PSG5: variants seen among roughly 807,000 people sequenced by gnomAD.
PSG5 encodes pregnancy-specific beta-1-glycoprotein 5.
A neutral mutation model predicts 37.7 loss-of-function variants in PSG5; 53 were observed. The observed-to-expected ratio is 1.41, with a 90% CI of 1.13 to 1.77. The LOEUF is 1.77. PSG5 is among the 40% of genes most tolerant of loss of function. The pLI is 0.00. For missense variants in PSG5, 547 were observed against 405.2 expected, an observed-to-expected ratio of 1.35 and a Z score of -3.00; for synonymous variants, 221 against 155.4, an observed-to-expected ratio of 1.42 and a Z score of -3.14.
chr19:43,175,743 T>G, intron 3 of PSG5, 127 bp downstream of exon 3: 1 of 1,527,292 alleles, frequency 6.5e-7, no homozygotes, highest in East Asian at 2.3e-5. Flanking sequence ...CAGGGAGTCA[T>G]GGCCAGCTCA....
rs537582438 is a variant in PSG5, at chr19:43,186,465, G to A, written c.-60C>T. 3.7e-6 allele frequency: 6 copies of A among 1,606,066 alleles called. No individual in the cohort carries two copies. The highest frequency in any genetic ancestry group is 1.1e-5 in the South Asian group (1 of 90,682). ...TGAGCCTAGGATCCAGAAACTTCCT[G>A]AGCACGGCTGTAGGCTGTGCTGTCC... On this transcript the variant is annotated 5_prime_UTR_variant, in exon 1 of 6. Transcript: ENST00000342951.
intron 4 of PSG5, 33 bp from the exon 5 acceptor site, chr19:43,170,171 A>C: frequency 6.5e-7 from 1 of 1,538,958 alleles, no homozygotes; most frequent in South Asian, 1.1e-5. Context: ...GAAGGAATGA[A>C]GGTGATGTTA....
At chr19:43,178,826 C>A (rs1969066063) in intron 2 of PSG5, 2 of 1,611,788 alleles carry the variant, frequency 1.2e-6, no homozygotes, top group Admixed American at 3.3e-5. Context: ...TGGCCTCTGG[C>A]CATGTGTATT....
rs1263765665 is a variant in PSG5, at chr19:43,169,081, A to G, written c.*41-878T>C. Among the ~76,000 whole-genome samples the G allele has an allele frequency of 2.6e-5, 4 of 151,776 alleles. No homozygotes were observed. In the South Asian group the frequency reaches 6.2e-4, roughly 24 times the overall value. On this transcript the variant is annotated intron_variant, in intron 5 of 5. Coordinates refer to ENST00000342951, the MANE Select transcript of PSG5 (RefSeq NM_002781.4). ...GGTGGGGCTTGAGCATCCACTTTTA[A>G]AAATGCTTTCCAGTGATTCCAATGT...
chr19:43,181,394 C>G (rs1464449597), intron 2 of PSG5, among the ~76,000 whole-genome samples: 1 of 151,692 alleles, frequency 6.6e-6, no homozygotes, highest in Non-Finnish European at 1.5e-5. Context: ...ATCCTCAAGC[C>G]AGAGATTCTT....
chr19:43,177,847 T>A (rs372279302), intron 2 of PSG5, among the ~76,000 whole-genome samples: 9 of 151,594 alleles, frequency 5.9e-5, no homozygotes, highest in Admixed American at 2.0e-4. Flanking sequence ...CTTCCAATCC[T>A]TGAAAATGAA....
rs145684974 is a variant in PSG5, at chr19:43,175,464, G to A, written c.715C>T (p.Pro239Ser). The change falls in exon 4 of 6, where the codon CCA becomes TCA. Residue 239 changes from proline to serine, a missense_variant. Transcript: ENST00000342951. ...DPVTLNVLYG[P>S]DLPSIYPSFT... ...GAAGGGTAAATGCTGGGGAGGTCTG[G>A]ACCATCTGGAGCAAAGAGAATGAAG... The A allele has an allele frequency of 3.7e-5, 60 of 1,606,326 alleles. 3 individuals are homozygous for A. The highest frequency in any genetic ancestry group is 5.1e-5 in the Non-Finnish European group (60 of 1,176,028).
chr19:43,169,599 C>T (rs1968860447), intron 5 of PSG5, among the ~76,000 whole-genome samples: 1 of 151,500 alleles, frequency 6.6e-6, no homozygotes, highest in African/African-American at 2.4e-5. Context: ...ATCAAATAGG[C>T]TAGAGTAGAC....
chr19:43,173,201 C>T lies in PSG5; in HGVS notation c.964+2014G>A, dbSNP rs535065932. Among the ~76,000 whole-genome samples the T allele has an allele frequency of 3.2e-4, 49 of 151,732 alleles. 1 individual carries two copies. The highest frequency in any genetic ancestry group is 7.4e-5 in the Non-Finnish European group (5 of 67,892). ...AGAGAGTGGAACCTTTACCTAACACCATGCATAAAAATTAACCCACAATAG... is the reference window on the plus strand; with the variant it reads ...AGAGAGTGGAACCTTTACCTAACACTATGCATAAAAATTAACCCACAATAG... On this transcript the variant is annotated intron_variant, in intron 4 of 5. Coordinates refer to ENST00000342951, the MANE Select transcript of PSG5 (RefSeq NM_002781.4).
intron 2 of PSG5, among the ~76,000 whole-genome samples, chr19:43,178,562 G>C (rs1420153659): frequency 6.6e-6 from 1 of 151,612 alleles, no homozygotes; most frequent in Non-Finnish European, 1.5e-5. Context: ...CAGTGACCCT[G>C]TGAGCCAAGT....
intron 4 of PSG5, among the ~76,000 whole-genome samples, chr19:43,171,983 CAAA>C (rs60198220): frequency 9.5e-6 from 1 of 105,126 alleles, no homozygotes; most frequent in Admixed American, 1.1e-4. Flanking sequence ...TCCCTCTCTT[CAAA>C]AAAAAAAAAA....
Position 43,168,082 on chromosome 19 carries a change from G to T in PSG5, c.*162C>A, listed in dbSNP as rs1968824865. The T allele has an allele frequency of 2.3e-6, 1 of 442,968 alleles. No individual in the cohort carries two copies. The highest frequency in any genetic ancestry group is 3.0e-4 in the Middle Eastern group (1 of 3,342). 27.4% of individuals were successfully genotyped at this position (442,968 alleles called of 1,614,324 possible). A position where few individuals can be genotyped will look rare whatever the true frequency, so the allele number is the denominator to read the frequency against. The stretch of plus-strand genomic sequence containing the variant: ...CTTAGTCCAGTGGTATGATCTTGAA[G>T]TTATCAGGAACTTGTATTCAAGAGT... On this transcript the variant is annotated 3_prime_UTR_variant, in exon 6 of 6. Coordinates refer to ENST00000342951, the MANE Select transcript of PSG5 (RefSeq NM_002781.4).
At chr19:43,178,828 A>G in intron 2 of PSG5, 2 of 1,609,820 alleles carry the variant, frequency 1.2e-6, no homozygotes, top group Non-Finnish European at 8.5e-7. Flanking sequence ...GCCTCTGGCC[A>G]TGTGTATTTG....
chr19:43,171,836 T>G lies in PSG5; in HGVS notation c.965-1698A>C, dbSNP rs943380215. Among the ~76,000 whole-genome samples the G allele has an allele frequency of 2.0e-5, 3 of 151,008 alleles. 1 individual carries two copies. The highest frequency in any genetic ancestry group is 7.3e-5 in the African/African-American group (3 of 40,886). The stretch of plus-strand genomic sequence containing the variant: ...ATAAAAAACCAATTAACTGGGCATG[T>G]TGACATGAACCTGTAGTCATAGCAT... On this transcript the variant is annotated intron_variant, in intron 4 of 5. Transcript: ENST00000342951.
chr19:43,173,029 C>T (rs1391846881), intron 4 of PSG5, among the ~76,000 whole-genome samples: 2 of 151,546 alleles, frequency 1.3e-5, no homozygotes, highest in Non-Finnish European at 2.9e-5. Context: ...TAAAGGAGGA[C>T]ATAGAAATTA....
At chr19:43,176,949 A>G (rs1445540389) in intron 2 of PSG5, among the ~76,000 whole-genome samples, 1 of 151,640 alleles carries the variant, frequency 6.6e-6, no homozygotes, top group Non-Finnish European at 1.5e-5. Flanking sequence ...TTCCAGAAAT[A>G]CATGTGGATG....
chr19:43,184,664 A>G lies in PSG5; in HGVS notation c.430+118T>C. On this transcript the variant is annotated intron_variant, in intron 2 of 5. Transcript: ENST00000342951. ...GTCCTGCACTAAATGCCCAAACCGCAGCATGGGACATAATGCAGAGAGGGA... is the reference window on the plus strand; with the variant it reads ...GTCCTGCACTAAATGCCCAAACCGCGGCATGGGACATAATGCAGAGAGGGA... 7.1e-6 allele frequency: 11 copies of G among 1,556,388 alleles called. 1 individual carries two copies. Among genetic ancestry groups the G allele is most frequent in the Non-Finnish European group, 9.7e-6 (11 of 1,129,414 alleles).
intron 2 of PSG5, among the ~76,000 whole-genome samples, chr19:43,178,026 T>A (rs1225882170): frequency 6.6e-6 from 1 of 151,686 alleles, no homozygotes; most frequent in Non-Finnish European, 1.5e-5. Context: ...AGATTGTTCA[T>A]TGTTAGTGTA....
chr19:43,170,121 G>A lies in PSG5; in HGVS notation c.982C>T (p.Arg328Cys), dbSNP rs1233135210. 6.9e-6 allele frequency: 11 copies of A among 1,588,064 alleles called. No individual in the cohort carries two copies. The highest frequency in any genetic ancestry group is 2.7e-5 in the African/African-American group (2 of 73,798). ...VEVSAPSGIG[R>C]LPLLNPI ...TATATTGGATTAAGGAGAGGAAGACGTCCTATTCCTGAAGGAGCTGTCATG... is the reference window on the plus strand; with the variant it reads ...TATATTGGATTAAGGAGAGGAAGACATCCTATTCCTGAAGGAGCTGTCATG... The change falls in exon 5 of 6, where the codon CGT (arginine) becomes TGT (cysteine). Residue 328 changes from arginine (R) to cysteine (C), a missense_variant. Transcript: ENST00000342951.
Sources: allele counts gnomAD v4.1 joint callset (sites outside exome capture counted in the v4.1 genomes callset), GRCh38; gene constraint gnomAD v4.1.1; transcripts MANE v1.5; gene names NCBI Gene and HGNC (gene_info 2026-07-23, HGNC 2026-07-21).